The following TENT4B variants were observed in gnomAD, a reference collection of about 807,000 sequenced individuals.
TENT4B encodes PAP associated domain containing 5.
In TENT4B, 10 loss-of-function variants were observed where a neutral mutation model predicts 75.0. The observed-to-expected ratio is 0.13, with a 90% CI of 0.08 to 0.23. The LOEUF is 0.23. Ranked by LOEUF, TENT4B falls within the 10% of genes least tolerant of loss-of-function variation. The pLI is 1.00. For missense variants in TENT4B, 579 were observed against 893.8 expected, an observed-to-expected ratio of 0.65 and a Z score of 4.49; for synonymous variants, 350 against 357.7, an observed-to-expected ratio of 0.98 and a Z score of 0.24.
intron 1 of TENT4B, among the ~76,000 whole-genome samples, chr16:50,162,676 T>C (rs909620337): frequency 6.6e-6 from 1 of 152,236 alleles, no homozygotes; most frequent in African/African-American, 2.4e-5. Context: ...TTGGTTTTAC[T>C]CTTAGCAGTA....
At chr16:50,179,357 G>A (rs2038368591) in intron 1 of TENT4B, among the ~76,000 whole-genome samples, 2 of 152,044 alleles carry the variant, frequency 1.3e-5, no homozygotes, top group Non-Finnish European at 2.9e-5. Flanking sequence ...GCGCAACTCC[G>A]TCTCAAAAGA....
chr16:50,212,952 T>TCCAGCCAG (rs1257052753), intron 2 of TENT4B, among the ~76,000 whole-genome samples: 1 of 152,146 alleles, frequency 6.6e-6, no homozygotes, highest in African/African-American at 2.4e-5. Flanking sequence ...TCTCTTTCTC[T>TCCAGCCAG]CCAGCCAGCC....
Position 50,233,305 on chromosome 16 carries a change from A to G in TENT4B, c.*3977A>G. The G allele has an allele frequency of 2.0e-6, 2 of 985,442 alleles. No homozygotes were observed. The highest frequency in any genetic ancestry group is 1.7e-5 in the African/African-American group (1 of 57,368). The allele number at this position is 985,442 out of a possible 1,614,324, so 61.0% of individuals were successfully genotyped here. On this transcript the variant is annotated 3_prime_UTR_variant, in exon 12 of 12. Transcript: ENST00000561678. Reference sequence around the variant, plus strand: ...ACCCTCAAGACTCTAGCTACCTGCCATCTTGTCAAAACATTTGTGGGTAGA... The same window carrying G: ...ACCCTCAAGACTCTAGCTACCTGCCGTCTTGTCAAAACATTTGTGGGTAGA...
intron 1 of TENT4B, among the ~76,000 whole-genome samples, chr16:50,159,693 A>G (rs2037967536): frequency 6.6e-6 from 1 of 152,182 alleles, no homozygotes; most frequent in East Asian, 1.9e-4. Context: ...GTGCATTTGC[A>G]GATATAGCCC....
intron 3 of TENT4B, among the ~76,000 whole-genome samples, chr16:50,214,527 G>A (rs901091623): frequency 1.3e-4 from 20 of 152,096 alleles, no homozygotes; most frequent in African/African-American, 4.1e-4. Context: ...GTAGCAGTGC[G>A]CACCTGTAAT....
intron 1 of TENT4B, among the ~76,000 whole-genome samples, chr16:50,197,546 C>G (rs189240522): frequency 6.6e-6 from 1 of 152,164 alleles, no homozygotes; most frequent in East Asian, 1.9e-4. Flanking sequence ...GCCTGGGCCT[C>G]TGAAAGTGCT....
intron 1 of TENT4B, among the ~76,000 whole-genome samples, chr16:50,199,935 G>C (rs972948696): frequency 1.2e-4 from 18 of 152,350 alleles, no homozygotes; most frequent in Middle Eastern, 3.4e-3. Context: ...ACTGTGCCCA[G>C]TGTGACAATT....
chr16:50,166,080 C>CTTTTTT (rs34403390), intron 1 of TENT4B, among the ~76,000 whole-genome samples: 1 of 117,560 alleles, frequency 8.5e-6, no homozygotes, highest in Non-Finnish European at 1.7e-5. Context: ...CTTGACAGCA[C>CTTTTTT]TTTTTTTTTT....
chr16:50,209,768 A>C (rs1317438514), intron 1 of TENT4B, among the ~76,000 whole-genome samples: 1 of 152,206 alleles, frequency 6.6e-6, no homozygotes, highest in Non-Finnish European at 1.5e-5. Flanking sequence ...TCTAGAACTC[A>C]AGGTTTTTGA....
Position 50,187,523 on chromosome 16 carries a change from C to T in TENT4B, c.639-23800C>T, listed in dbSNP as rs540710602. 6.6e-4 allele frequency among the ~76,000 whole-genome samples: 101 copies of T among 152,264 alleles called. 2 individuals are homozygous for T. Among genetic ancestry groups the T allele is most frequent in the African/African-American group, 2.2e-3 (92 of 41,554 alleles). On this transcript the variant is annotated intron_variant, in intron 1 of 11. Transcript: ENST00000561678. ...GCTTGAACACAGGAGGCGGAGGTTG[C>T]AGTGAGCCGAGATTGTGCCACTGCA... is the stretch of plus-strand genomic sequence containing the variant.
chr16:50,222,046 T>C (rs2150745695), intron 5 of TENT4B, among the ~76,000 whole-genome samples: 1 of 152,340 alleles, frequency 6.6e-6, no homozygotes, highest in East Asian at 1.9e-4. Context: ...ATTACAGGCA[T>C]GAGCCACCAT....
At chr16:50,165,215 TG>T (rs543114132) in intron 1 of TENT4B, among the ~76,000 whole-genome samples, 401 of 152,246 alleles carry the variant, frequency 2.6e-3, no homozygotes, top group African/African-American at 9.3e-3. Context: ...TGTCTTTTTT[TG>T]GTTATATTCC....
intron 1 of TENT4B, among the ~76,000 whole-genome samples, chr16:50,207,767 T>G (rs1477546790): frequency 6.6e-6 from 1 of 152,194 alleles, no homozygotes; most frequent in South Asian, 2.1e-4. Context: ...TATATTACCA[T>G]GTGAAAGCAA....
intron 3 of TENT4B, among the ~76,000 whole-genome samples, chr16:50,215,176 T>A (rs2031486112): frequency 6.6e-6 from 1 of 152,242 alleles, no homozygotes; most frequent in South Asian, 2.1e-4. Flanking sequence ...ATACTTGCTC[T>A]CTAAGAATTG....
chr16:50,168,309 C>G (rs2038141900), intron 1 of TENT4B, among the ~76,000 whole-genome samples: 1 of 150,350 alleles, frequency 6.7e-6, no homozygotes, highest in South Asian at 2.1e-4. Context: ...TTTCTTTTCT[C>G]TTTTTTTTGA....
chr16:50,214,969 T>C (rs1287308400), intron 3 of TENT4B, among the ~76,000 whole-genome samples: 1 of 152,202 alleles, frequency 6.6e-6, no homozygotes, highest in Non-Finnish European at 1.5e-5. Flanking sequence ...ACCCTCGCTT[T>C]CAAATTAAGA....
intron 1 of TENT4B, among the ~76,000 whole-genome samples, chr16:50,170,484 G>A (rs1011317691): frequency 6.6e-6 from 1 of 152,152 alleles, no homozygotes; most frequent in Non-Finnish European, 1.5e-5. Flanking sequence ...TCATTTACAT[G>A]TAAAAACTAT....
At chr16:50,154,366 C>A (rs1031597430) in intron 1 of TENT4B, 107 bp downstream of exon 1, 1 of 1,337,200 alleles carries the variant, frequency 7.5e-7, no homozygotes, top group Non-Finnish European at 9.5e-7. Context: ...ACCCCCACGG[C>A]CTGCCTTCGC....
chr16:50,206,354 ATTTTTTTT>A (rs35118426), intron 1 of TENT4B, among the ~76,000 whole-genome samples: 12 of 96,530 alleles, frequency 1.2e-4, no homozygotes, highest in East Asian at 9.2e-4. Flanking sequence ...ATATGTATGT[ATTTTTTTT>A]TTTTTTTTTT....
Sources: allele counts gnomAD v4.1 joint callset (sites outside exome capture counted in the v4.1 genomes callset), GRCh38; gene constraint gnomAD v4.1.1; transcripts MANE v1.5; gene names NCBI Gene and HGNC (gene_info 2026-07-23, HGNC 2026-07-21).